Variants in RNF144A observed in about 807,000 individuals in gnomAD.
RNF144A encodes ring finger protein 144A, also known as E3 ubiquitin-protein ligase RNF144A.
RNF144A carries 11 observed loss-of-function variants against 38.7 expected under a neutral mutation model. The ratio of observed to expected loss-of-function variants is 0.28; its 90% CI spans 0.18 to 0.47. The LOEUF is 0.47. Ranked by LOEUF, RNF144A falls within the 20% of genes least tolerant of loss-of-function variation. The pLI is 0.99. For synonymous variants in RNF144A, 149 were observed against 143.9 expected (o/e 1.04, Z -0.25); for missense variants, 316 against 377.2 (o/e 0.84, Z 1.34).
chr2:7,018,005 A>G (rs575917292), intron 5 of RNF144A, among the ~76,000 whole-genome samples: 1 of 152,288 alleles, frequency 6.6e-6, no homozygotes, highest in African/African-American at 2.4e-5. Context: ...CCTGTGTGCT[A>G]TCCTGGGGGG....
chr2:7,040,981 A>G lies in RNF144A; in HGVS notation c.*1221A>G, dbSNP rs1339910805. The stretch of plus-strand genomic sequence containing the variant: ...ATTTCCATGGCAGCAGGATGCAGGG[A>G]TTAATAAGGACACATACACATTATT... On this transcript the variant is annotated 3_prime_UTR_variant, in exon 9 of 9. Coordinates refer to ENST00000320892, the MANE Select transcript of RNF144A (RefSeq NM_014746.6). 3.0e-6 allele frequency: 3 copies of G among 985,344 alleles called. No homozygotes were observed. The highest frequency in any genetic ancestry group is 3.6e-6 in the Non-Finnish European group (3 of 829,852). The allele number at this position is 985,344 out of a possible 1,614,324, so 61.0% of individuals were successfully genotyped here. A position where few individuals can be genotyped will look rare whatever the true frequency, so the allele number is the denominator to read the frequency against.
rs534583327 is a variant in RNF144A at position 7,013,181 on chromosome 2, T to C, written c.136-1273T>C. ...TCAAGCATATACTCTTCTCTGTGTA[T>C]TCTTCTATACTTTTTCACTTGCCTA... On this transcript the variant is annotated intron_variant, in intron 3 of 8. Transcript: ENST00000320892. Among the ~76,000 whole-genome samples, 9 of 152,370 alleles carry C rather than the reference T, an allele frequency of 5.9e-5. No homozygotes were observed. In the South Asian group the frequency reaches 1.9e-3, roughly 32 times the overall value.
intron 6 of RNF144A, among the ~76,000 whole-genome samples, chr2:7,066,519 C>T (rs1312178921): frequency 6.6e-6 from 1 of 152,192 alleles, no homozygotes; most frequent in Admixed American, 6.5e-5. Context: ...TATTAGTAAA[C>T]ATTTTTATTT....
chr2:7,044,437 A>G (rs1673220635), downstream of RNF144A, among the ~76,000 whole-genome samples: 1 of 152,186 alleles, frequency 6.6e-6, no homozygotes, highest in African/African-American at 2.4e-5. Context: ...TGTTGGGTGT[A>G]TCAACCCGTC....
intron 1 of RNF144A, among the ~76,000 whole-genome samples, chr2:6,927,726 T>C (rs1664969071): frequency 6.6e-6 from 1 of 152,236 alleles, no homozygotes; most frequent in Non-Finnish European, 1.5e-5. Context: ...TACCCAGTCA[T>C]AATTGTTATA....
At chr2:7,029,129 A>G (rs551290056) in intron 7 of RNF144A, among the ~76,000 whole-genome samples, 1 of 152,306 alleles carries the variant, frequency 6.6e-6, no homozygotes, top group African/African-American at 2.4e-5. Flanking sequence ...CTGTTTCCTC[A>G]GGCGCATTGG....
chr2:6,969,917 A>G (rs754749160), intron 2 of RNF144A, among the ~76,000 whole-genome samples: 1 of 151,866 alleles, frequency 6.6e-6, no homozygotes, highest in Non-Finnish European at 1.5e-5. Context: ...GCACACTGCC[A>G]CGCCCGGCTA....
chr2:6,966,426 C>T (rs985391550), intron 2 of RNF144A, among the ~76,000 whole-genome samples: 3 of 152,190 alleles, frequency 2.0e-5, no homozygotes, highest in African/African-American at 4.8e-5. Flanking sequence ...GATGCAGAAA[C>T]AGCAGCAACA....
intron 6 of RNF144A, among the ~76,000 whole-genome samples, chr2:7,022,040 C>T (rs890801839): frequency 2.0e-5 from 3 of 152,168 alleles, no homozygotes; most frequent in African/African-American, 4.8e-5. Flanking sequence ...CTGGGAAATC[C>T]GAATCCTAAG....
chr2:6,982,079 A>G (rs1182390772), intron 2 of RNF144A, among the ~76,000 whole-genome samples: 2 of 152,086 alleles, frequency 1.3e-5, no homozygotes, highest in Non-Finnish European at 2.9e-5. Flanking sequence ...AGCATGGGGG[A>G]AACTGCCCCC....
At position 7,014,489 on chromosome 2, in the gene RNF144A, A is replaced by C; in HGVS notation, c.171A>C (p.Glu57Asp). 10 of 1,612,206 alleles carry C rather than the reference A, an allele frequency of 6.2e-6. No homozygotes were observed. Among genetic ancestry groups the C allele is most frequent in the Non-Finnish European group, 8.5e-6 (10 of 1,179,346 alleles). ...AGTATGTTGAGCTCTTGATCAAAGAAGGATTAGAAACCGCAATTAGCTGCC... is the reference window on the plus strand; with the variant it reads ...AGTATGTTGAGCTCTTGATCAAAGACGGATTAGAAACCGCAATTAGCTGCC... ...LKQYVELLIK[E>D]GLETAISCPD... is the part of the protein sequence containing the mutation. Residue 57 changes from glutamate to aspartate, a missense_variant, in exon 4 of 9, where the codon GAA (glutamate) becomes GAC (aspartate). Coordinates refer to ENST00000320892, the MANE Select transcript of RNF144A (RefSeq NM_014746.6).
At chr2:6,929,904 T>C (rs1451233145) in intron 1 of RNF144A, among the ~76,000 whole-genome samples, 1 of 152,178 alleles carries the variant, frequency 6.6e-6, no homozygotes, top group East Asian at 1.9e-4. Context: ...TTTTCGAATA[T>C]GATGAAGTGG....
chr2:6,971,085 A>G (rs536299791), intron 2 of RNF144A, among the ~76,000 whole-genome samples: 1 of 152,326 alleles, frequency 6.6e-6, no homozygotes, highest in South Asian at 2.1e-4. Context: ...AAGTATAGAA[A>G]AACAGAAATA....
At chr2:7,065,496 T>A (rs1674174566) in intron 6 of RNF144A, among the ~76,000 whole-genome samples, 1 of 152,258 alleles carries the variant, frequency 6.6e-6, no homozygotes, top group Non-Finnish European at 1.5e-5. Context: ...TATCTTTTGC[T>A]GCCAAAACTG....
intron 2 of RNF144A, among the ~76,000 whole-genome samples, chr2:6,972,098 C>G (rs1668032924): frequency 6.6e-6 from 1 of 152,164 alleles, no homozygotes; most frequent in African/African-American, 2.4e-5. Context: ...AACTTCAAAT[C>G]AAGCTGAAGC....
At chr2:7,027,913 A>C (rs948531125) in intron 7 of RNF144A, among the ~76,000 whole-genome samples, 2 of 143,552 alleles carry the variant, frequency 1.4e-5, no homozygotes, top group Admixed American at 7.5e-5. Context: ...AATTTTGTAC[A>C]TGAAATCTGG....
At chr2:6,973,232 T>C (rs894301603) in intron 2 of RNF144A, among the ~76,000 whole-genome samples, 1 of 152,194 alleles carries the variant, frequency 6.6e-6, no homozygotes, top group Non-Finnish European at 1.5e-5. Context: ...TGGCTTCTGA[T>C]CCCAGAAGAT....
chr2:6,945,040 A>G (rs1666244047), intron 2 of RNF144A, among the ~76,000 whole-genome samples: 1 of 152,250 alleles, frequency 6.6e-6, no homozygotes, highest in Admixed American at 6.5e-5. Context: ...AAATATCAGT[A>G]GTTTAAAAAG....
rs1572364374 is a variant in RNF144A, at chr2:6,996,714, C to G, written c.-11-202C>G. ...GGTTGCAGTGAGCTAGATTGCACCA[C>G]TGTACTCCAACCTGGACGACAGAGC... On this transcript the variant is annotated intron_variant, in intron 2 of 8. Coordinates refer to ENST00000320892, the MANE Select transcript of RNF144A (RefSeq NM_014746.6). 1.2e-5 allele frequency: 7 copies of G among 564,450 alleles called. No homozygotes were observed. In the East Asian group the frequency reaches 2.1e-4, roughly 17 times the overall value. The allele number at this position is 564,450 out of a possible 1,614,324, so 35.0% of individuals were successfully genotyped here.
Sources: gnomAD v4.1 joint callset for allele counts (sites outside exome capture counted in the v4.1 genomes callset) on GRCh38, gnomAD v4.1.1 for gene constraint, MANE v1.5 for transcripts, NCBI Gene and HGNC (gene_info 2026-07-23, HGNC 2026-07-21) for gene names.